PCDHGA11: variants seen among roughly 807,000 people sequenced by gnomAD.
PCDHGA11 encodes protocadherin gamma-A11.
PCDHGA11 carries 39 observed loss-of-function variants against 60.4 expected under a neutral mutation model. The ratio of observed to expected loss-of-function variants is 0.65; its 90% CI spans 0.50 to 0.84. The LOEUF (loss-of-function observed/expected upper bound fraction) is 0.84. Among genes scored for constraint, PCDHGA11 ranks in the 40% least tolerant of loss-of-function variants. The probability of loss-of-function intolerance (pLI) is 0.00; values close to 1 mark genes in which losing one functional copy is unlikely to be tolerated. For missense variants in PCDHGA11, 1,165 were observed against 1,197.7 expected (o/e 0.97, Z 0.40); for synonymous variants, 533 against 510.3 (o/e 1.04, Z -0.60).
chr5:141,459,757 G>A (rs1360124889), intron 1 of PCDHGA11, among the ~76,000 whole-genome samples: 3 of 152,162 alleles, frequency 2.0e-5, no homozygotes, highest in Admixed American at 2.0e-4. Context: ...ATTCTAGTGG[G>A]TGTGTGATAC....
chr5:141,478,409 G>A, intron 1 of PCDHGA11: 1 of 1,613,016 alleles, frequency 6.2e-7, no homozygotes, highest in South Asian at 1.1e-5. Flanking sequence ...TCTCACCACG[G>A]ACTCCCGCCG....
intron 1 of PCDHGA11, chr5:141,468,586 G>C (rs1232477889): frequency 1.3e-5 from 2 of 152,176 alleles, no homozygotes; most frequent in East Asian, 1.9e-4. Context: ...GGTACTAAAG[G>C]CTGGGCGCGG....
intron 1 of PCDHGA11, among the ~76,000 whole-genome samples, chr5:141,457,046 T>A (rs2098905373): frequency 6.6e-6 from 1 of 152,198 alleles, no homozygotes; most frequent in South Asian, 2.1e-4. Flanking sequence ...ATAGTAAAAC[T>A]TTCATGCTTC....
At position 141,491,154 on chromosome 5, in the gene PCDHGA11, C is replaced by T. The variant is rs773308291; in HGVS notation, c.2434-3653C>T. ...CAGCCCGGGCCTTACTGGAGGATGACTCTGACACCCAGCAGGTGGTGGTCC... is the reference window on the plus strand; with the variant it reads ...CAGCCCGGGCCTTACTGGAGGATGATTCTGACACCCAGCAGGTGGTGGTCC... On this transcript the variant is annotated intron_variant, in intron 1 of 3. Coordinates refer to ENST00000398587, the MANE Select transcript of PCDHGA11 (RefSeq NM_018914.3). The surrounding 1 kb of genome is among the most constrained non-coding windows in gnomAD (Gnocchi z 6.9). The T allele has an allele frequency of 6.2e-7, 1 of 1,614,162 alleles. No homozygotes were observed. The highest frequency in any genetic ancestry group is 1.7e-5 in the Admixed American group (1 of 60,026).
Position 141,494,815 on chromosome 5 carries a change from G to C in PCDHGA11, c.2442G>C (p.Pro814=). 6.2e-7 allele frequency: 1 copy of C among 1,613,976 alleles called. No individual in the cohort carries two copies. The highest frequency in any genetic ancestry group is 8.5e-7 in the Non-Finnish European group (1 of 1,179,982). Residue 814 remains proline, a synonymous_variant, in exon 2 of 4, where the codon CCG becomes CCC. Transcript: ENST00000398587. Reference sequence around the variant, plus strand: ...CTCTGTTTTCTCCACAGCAAGCCCCGCCCAACACGGACTGGCGTTTCTCTC... The same window carrying C: ...CTCTGTTTTCTCCACAGCAAGCCCCCCCCAACACGGACTGGCGTTTCTCTC... ...KCDPTSNQQA[P]PNTDWRFSQA...
At chr5:141,466,123 A>G (rs961197575) in intron 1 of PCDHGA11, among the ~76,000 whole-genome samples, 1 of 151,364 alleles carries the variant, frequency 6.6e-6, no homozygotes, top group African/African-American at 2.4e-5. Flanking sequence ...CTCCAGCTCA[A>G]AAAAAAAATC....
chr5:141,486,091 G>A lies in PCDHGA11; in HGVS notation c.2434-8716G>A, dbSNP rs2099624256. On this transcript the variant is annotated intron_variant, in intron 1 of 3. Coordinates refer to ENST00000398587, the MANE Select transcript of PCDHGA11 (RefSeq NM_018914.3). This position sits in a 1 kb window ranked among gnomAD's most constrained non-coding sequence, Gnocchi z 5.0. ...CTACTGGAAAGCTTACTCTTTTGGGGCCCCTAGACTTTGAGAGTGAGAATT... is the reference window on the plus strand; with the variant it reads ...CTACTGGAAAGCTTACTCTTTTGGGACCCCTAGACTTTGAGAGTGAGAATT... 2 of 1,614,158 alleles carry A rather than the reference G, an allele frequency of 1.2e-6. No homozygotes were observed. Among genetic ancestry groups the A allele is most frequent in the Non-Finnish European group, 1.7e-6 (2 of 1,180,024 alleles).
intron 1 of PCDHGA11, among the ~76,000 whole-genome samples, chr5:141,462,771 G>C (rs1295560657): frequency 6.6e-6 from 1 of 152,088 alleles, no homozygotes; most frequent in Non-Finnish European, 1.5e-5. Context: ...CTGGCTTGGG[G>C]TCATAATTTG....
intron 1 of PCDHGA11, among the ~76,000 whole-genome samples, chr5:141,437,556 T>C (rs1427506223): frequency 6.6e-6 from 1 of 152,228 alleles, no homozygotes; most frequent in African/African-American, 2.4e-5. Context: ...CTTTATGACA[T>C]GTAACAGAGT....
chr5:141,456,783 C>G (rs1400541298), intron 1 of PCDHGA11, among the ~76,000 whole-genome samples: 3 of 151,802 alleles, frequency 2.0e-5, no homozygotes, highest in African/African-American at 4.8e-5. Flanking sequence ...GCCTACATGG[C>G]AAAACCCCAT....
chr5:141,433,703 G>T (rs1561871157), intron 1 of PCDHGA11, among the ~76,000 whole-genome samples: 1 of 152,098 alleles, frequency 6.6e-6, no homozygotes, highest in Non-Finnish European at 1.5e-5. Flanking sequence ...CGGGCGTGGT[G>T]GTGCATGTCT....
intron 1 of PCDHGA11, chr5:141,479,217 A>G (rs1433108919): frequency 1.3e-5 from 2 of 152,400 alleles, no homozygotes; most frequent in Non-Finnish European, 2.9e-5. Context: ...TTAAAAAATT[A>G]AAACTATAAT....
At chr5:141,508,732 C>A (rs1037039751) in intron 3 of PCDHGA11, among the ~76,000 whole-genome samples, 3 of 151,880 alleles carry the variant, frequency 2.0e-5, no homozygotes, top group Non-Finnish European at 4.4e-5. Flanking sequence ...GGAGACTACA[C>A]CCCCCACCCC....
chr5:141,488,502 C>T (rs989368385), intron 1 of PCDHGA11, among the ~76,000 whole-genome samples: 2 of 152,146 alleles, frequency 1.3e-5, no homozygotes, highest in Non-Finnish European at 2.9e-5. Context: ...ACACTCATTC[C>T]ACATTTGGGG....
chr5:141,470,054 C>T (rs895181664), intron 1 of PCDHGA11, among the ~76,000 whole-genome samples: 2 of 152,118 alleles, frequency 1.3e-5, no homozygotes, highest in African/African-American at 4.8e-5. Flanking sequence ...GTTTGAACCC[C>T]GGAGGCAGAG....
intron 2 of PCDHGA11, among the ~76,000 whole-genome samples, chr5:141,504,443 A>C (rs1043353401): frequency 2.0e-5 from 3 of 152,070 alleles, no homozygotes; most frequent in African/African-American, 4.8e-5. Context: ...CAGTGTGACT[A>C]GTGCCATGTG....
rs1206130340 is a variant in PCDHGA11, at chr5:141,473,814, G to A, written c.2434-20993G>A. On this transcript the variant is annotated intron_variant, in intron 1 of 3. Coordinates refer to ENST00000398587, the MANE Select transcript of PCDHGA11 (RefSeq NM_018914.3). ...GTATGATGCTACTGAGGAGCAGCTG[G>A]ACAATTGTGTGATCCAATTAAAATT... Among the ~76,000 whole-genome samples, 5 of 152,188 alleles carry A rather than the reference G, an allele frequency of 3.3e-5. No individual in the cohort carries two copies. The East Asian group carries it at 9.6e-4, about 29-fold the overall frequency.
rs922804811 is a variant in PCDHGA11 at position 141,432,794 on chromosome 5, G to A, written c.2433+9134G>A. On this transcript the variant is annotated intron_variant, in intron 1 of 3. Coordinates refer to ENST00000398587, the MANE Select transcript of PCDHGA11 (RefSeq NM_018914.3). This position sits in a 1 kb window ranked among gnomAD's most constrained non-coding sequence, Gnocchi z 6.0. ...AGTCCTGGCGGACCTCGGCAGCCTC[G>A]AGTCTCCAGCTAACTCTGAAACCTC... The A allele has an allele frequency of 3.7e-6, 6 of 1,614,138 alleles. No homozygotes were observed. Among genetic ancestry groups the A allele is most frequent in the Non-Finnish European group, 5.1e-6 (6 of 1,180,000 alleles).
chr5:141,470,262 A>C (rs924170384), intron 1 of PCDHGA11, among the ~76,000 whole-genome samples: 2 of 152,126 alleles, frequency 1.3e-5, no homozygotes, highest in African/African-American at 4.8e-5. Context: ...CTAAATGGAG[A>C]TACATGTTTG....
Sources: allele counts gnomAD v4.1 joint callset (sites outside exome capture counted in the v4.1 genomes callset), GRCh38; gene constraint gnomAD v4.1.1; non-coding constraint Gnocchi (gnomAD v3.1); transcripts MANE v1.5; gene names NCBI Gene and HGNC (gene_info 2026-07-23, HGNC 2026-07-21).